The following ASMT variants were observed in gnomAD, a reference collection of about 807,000 sequenced individuals.
ASMT encodes the protein acetylserotonin O-methyltransferase.
Under a neutral mutation model 41.3 loss-of-function variants are expected in ASMT, and 53 were observed. The observed-to-expected ratio is 1.28, with a 90% CI of 1.03 to 1.61. ASMT has a LOEUF of 1.61. Ranked by LOEUF, ASMT falls within the 40% of genes most tolerant of loss-of-function variation. The probability of loss-of-function intolerance (pLI) is 0.00; values close to 1 mark genes in which losing one functional copy is unlikely to be tolerated. For synonymous variants in ASMT, 231 were observed against 184.8 expected, an observed-to-expected ratio of 1.25 and a Z score of -2.03; for missense variants, 531 against 441.3, an observed-to-expected ratio of 1.20 and a Z score of -1.82.
In ASMT at chrX:1,615,250, C is replaced by T. The variant is rs17149149; in HGVS notation, c.51C>T (p.Asn17=). Residue 17 remains asparagine (N), a synonymous_variant, in exon 1 of 9, where the codon AAC becomes AAT. Transcript: ENST00000381241. ...ATCGCCTCCTTAATGACTACGCCAA[C>T]GGCTTCATGGTGTCCCAGGTAGGAT... The part of the protein sequence containing the change: ...QAYRLLNDYA[N]GFMVSQVLFA... 8.8e-5 allele frequency: 140 copies of T among 1,595,808 alleles called. No homozygotes were observed. The highest frequency in any genetic ancestry group is 5.0e-4 in the Middle Eastern group (3 of 6,030).
intron 5 of ASMT, among the ~76,000 whole-genome samples, chrX:1,631,126 G>C (rs771505996): frequency 6.6e-6 from 1 of 151,546 alleles, no homozygotes; most frequent in African/African-American, 2.4e-5. Flanking sequence ...GTGTTAGCCA[G>C]GATGGTCTCG....
chrX:1,615,986 G>C (rs1265576449), intron 1 of ASMT, among the ~76,000 whole-genome samples: 1 of 152,092 alleles, frequency 6.6e-6, no homozygotes, highest in Non-Finnish European at 1.5e-5. Flanking sequence ...TTATCATAGA[G>C]GTGAGTTTTG....
rs750840096 is a variant in ASMT at position 1,641,290 on chromosome X, A to G, written c.911-1513A>G. Among the ~76,000 whole-genome samples, 15 of 24,514 alleles carry G rather than the reference A, an allele frequency of 6.1e-4. 2 individuals carry two copies. Among genetic ancestry groups the G allele is most frequent in the Middle Eastern group, 0.022 (1 of 46 alleles). The allele number at this position is 24,514 out of a possible 152,430, so 16.1% of individuals were successfully genotyped here. ...AGCCTCTGTGTGTGAGATAGGGACCATGTCCCAGCTCTCCTGTGAGGTCCA... is the reference window on the plus strand; with the variant it reads ...AGCCTCTGTGTGTGAGATAGGGACCGTGTCCCAGCTCTCCTGTGAGGTCCA... On this transcript the variant is annotated intron_variant, in intron 8 of 8. Coordinates refer to ENST00000381241, the MANE Select transcript of ASMT (RefSeq NM_001171038.2).
intron 3 of ASMT, among the ~76,000 whole-genome samples, chrX:1,626,793 C>T (rs747886930): frequency 6.3e-4 from 93 of 148,020 alleles, no homozygotes; most frequent in African/African-American, 2.2e-3. Context: ...TTTGAGAGGC[C>T]GAGGCGGGTG....
At position 1,623,199 on chromosome X, in the gene ASMT, CT is replaced by C. The variant is rs761868826; in HGVS notation, c.131del (p.Leu44ArgfsTer10). On this transcript the variant is annotated frameshift_variant, in exon 2 of 9. Transcript: ENST00000381241. LOFTEE classifies it high-confidence loss of function. ...CCTTCTCGCCGAGGCCCCAGGGCCC[CT>C]GGACGTGGCGGCAGTGGCTGCAGGT... ...FDLLAEAPGPLDVAAVAAGVR... is the reference protein window; with the variant it reads ...FDLLAEAPGPXDVAAVAAGVR... 9.3e-6 allele frequency: 15 copies of C among 1,613,366 alleles called. No homozygotes were observed. Among genetic ancestry groups the C allele is most frequent in the Non-Finnish European group, 6.8e-6 (8 of 1,179,854 alleles).
At chrX:1,630,605 C>A (rs1198272039) in intron 5 of ASMT, among the ~76,000 whole-genome samples, 1 of 151,494 alleles carries the variant, frequency 6.6e-6, no homozygotes, top group Non-Finnish European at 1.5e-5. Context: ...CACCCAGGCT[C>A]GAGTGCAATG....
In ASMT at chrX:1,616,602, G is replaced by A. The variant is rs139729445; in HGVS notation, c.69+1334G>A. On this transcript the variant is annotated intron_variant, in intron 1 of 8. Transcript: ENST00000381241. ...AGGGTTAATGATGGCCGGGCTCAGC[G>A]GTGACACCTGTCATCCCAACGGTTT... is the stretch of plus-strand genomic sequence containing the variant. 4.6e-3 allele frequency among the ~76,000 whole-genome samples: 694 copies of A among 151,462 alleles called. 25 individuals carry two copies. Among genetic ancestry groups the A allele is most frequent in the Admixed American group, 0.038 (581 of 15,192 alleles).
At chrX:1,624,118 A>G in intron 2 of ASMT, 151 bp from the exon 3 acceptor site, 1 of 1,112,368 alleles carries the variant, frequency 9.0e-7, no homozygotes, top group East Asian at 2.4e-5. Flanking sequence ...AGAAGGCTCC[A>G]GCTGTACAAG....
intron 1 of ASMT, among the ~76,000 whole-genome samples, chrX:1,616,972 T>G (rs1478272562): frequency 2.0e-5 from 3 of 151,964 alleles, no homozygotes; most frequent in Non-Finnish European, 2.9e-5. Context: ...CCTCCCAAAG[T>G]GCTGGGATTA....
At chrX:1,628,587 C>T (rs1201671075) in intron 4 of ASMT, among the ~76,000 whole-genome samples, 1 of 150,608 alleles carries the variant, frequency 6.6e-6, no homozygotes, top group Non-Finnish European at 1.5e-5. Flanking sequence ...CCTCTCCTCT[C>T]CTCCCCTGCT....
rs762562364 is a variant in ASMT, at chrX:1,616,777, C to T, written c.69+1509C>T. Among the ~76,000 whole-genome samples the T allele has an allele frequency of 9.3e-5, 14 of 151,134 alleles. No individual in the cohort carries two copies. In the East Asian group the frequency reaches 1.2e-3, roughly 13 times the overall value. ...AGGCTGGAGTGCAATGGCACGATCT[C>T]GGCTCACTGCAAGCTCCACCTCCCA... is the stretch of plus-strand genomic sequence containing the variant. On this transcript the variant is annotated intron_variant, in intron 1 of 8. Transcript: ENST00000381241.
At chrX:1,636,623 C>T in intron 8 of ASMT, 63 bp downstream of exon 8, 1 of 1,612,538 alleles carries the variant, frequency 6.2e-7, no homozygotes, top group Non-Finnish European at 8.5e-7. Flanking sequence ...GTACGAGTCA[C>T]ATTTAGAAGG....
intron 3 of ASMT, among the ~76,000 whole-genome samples, chrX:1,625,891 G>T (rs750646579): frequency 6.8e-6 from 1 of 146,624 alleles, no homozygotes; most frequent in African/African-American, 2.5e-5. Flanking sequence ...GGAGGCGGAG[G>T]TTGCAGTGAG....
intron 5 of ASMT, 48 bp downstream of exon 5, chrX:1,629,987 G>A (rs759472482): frequency 3.0e-5 from 43 of 1,441,592 alleles, no homozygotes; most frequent in African/African-American, 2.4e-4. Context: ...CTTCTGTTCT[G>A]TATGGGGAAT....
intron 6 of ASMT, 95 bp from the exon 7 acceptor site, chrX:1,633,055 T>A (rs1306592224): frequency 1.5e-5 from 22 of 1,476,148 alleles, no homozygotes; most frequent in Non-Finnish European, 3.8e-6. Flanking sequence ...CCCAAGTTCC[T>A]GGGTTGGACC....
At chrX:1,615,849 T>C (rs1934075975) in intron 1 of ASMT, among the ~76,000 whole-genome samples, 1 of 151,612 alleles carries the variant, frequency 6.6e-6, no homozygotes, top group African/African-American at 2.4e-5. Context: ...AAGCTTAAGA[T>C]GAAATACATA....
At chrX:1,631,124 C>A (rs1360633281) in intron 5 of ASMT, among the ~76,000 whole-genome samples, 6 of 151,488 alleles carry the variant, frequency 4.0e-5, no homozygotes, top group Non-Finnish European at 8.8e-5. Context: ...CCGTGTTAGC[C>A]AGGATGGTCT....
chrX:1,615,820 C>T (rs1349385910), intron 1 of ASMT, among the ~76,000 whole-genome samples: 8 of 150,156 alleles, frequency 5.3e-5, no homozygotes, highest in Non-Finnish European at 1.2e-4. Context: ...ACCAAACAAA[C>T]AACAAAAAAA....
At chrX:1,634,525 C>A (rs776475333) in intron 7 of ASMT, among the ~76,000 whole-genome samples, 2 of 152,270 alleles carry the variant, frequency 1.3e-5, no homozygotes, top group African/African-American at 4.8e-5. Context: ...TCCTGGGTGG[C>A]CCAGAGACCC....
Sources: gnomAD v4.1 joint callset for allele counts (sites outside exome capture counted in the v4.1 genomes callset) on GRCh38, gnomAD v4.1.1 for gene constraint, MANE v1.5 for transcripts, NCBI Gene and HGNC (gene_info 2026-07-23, HGNC 2026-07-21) for gene names.